TRAPPC9: variants seen among roughly 807,000 people sequenced by gnomAD.
The protein encoded by TRAPPC9 is trafficking protein particle complex subunit 9, also known as IKK2 binding protein.
Under a neutral mutation model 124.0 loss-of-function variants are expected in TRAPPC9, and 83 were observed. The ratio of observed to expected loss-of-function variants is 0.67; its 90% confidence interval spans 0.56 to 0.80. The LOEUF (loss-of-function observed/expected upper bound fraction) is 0.80, where lower values mean the gene tolerates loss of function less well. TRAPPC9 is among the 30% of genes least tolerant of loss of function. TRAPPC9 has a pLI of 0.00. For missense variants in TRAPPC9, 1,302 were observed against 1,508.3 expected (o/e 0.86, Z 2.27); for synonymous variants, 638 against 617.5 (o/e 1.03, Z -0.49).
Position 139,911,567 on chromosome 8 carries a change from T to C in TRAPPC9, c.2811-1267A>G, listed in dbSNP as rs183150700. ...CAAAAATACAAAAATAAGCCAGGTA[T>C]GGTGATACACACCTGTAGTCCCAGC... On this transcript the variant is annotated intron_variant, in intron 19 of 22. Coordinates refer to ENST00000438773, the MANE Select transcript of TRAPPC9 (RefSeq NM_001160372.4). 2.6e-3 allele frequency among the ~76,000 whole-genome samples: 392 copies of C among 152,168 alleles called. 2 individuals are homozygous for C. The highest frequency in any genetic ancestry group is 0.01 in the Middle Eastern group (3 of 294).
intron 5 of TRAPPC9, among the ~76,000 whole-genome samples, chr8:140,425,254 C>A (rs2070382277): frequency 6.6e-6 from 1 of 152,222 alleles, no homozygotes; most frequent in African/African-American, 2.4e-5. Context: ...GCCAGGACGG[C>A]ATCTCATTCT....
intron 19 of TRAPPC9, chr8:139,932,372 T>C: frequency 4.4e-6 from 2 of 457,904 alleles, no homozygotes; most frequent in South Asian, 1.5e-5. Context: ...TATGCCACAC[T>C]GGATCAGAAG....
intron 14 of TRAPPC9, among the ~76,000 whole-genome samples, chr8:140,281,805 T>C (rs1357371494): frequency 2.0e-5 from 3 of 152,234 alleles, no homozygotes; most frequent in Non-Finnish European, 4.4e-5. Flanking sequence ...TATACGTCAG[T>C]GTCTCCACCT....
intron 21 of TRAPPC9, among the ~76,000 whole-genome samples, chr8:139,758,256 G>T (rs1819986929): frequency 6.6e-6 from 1 of 152,188 alleles, no homozygotes; most frequent in Non-Finnish European, 1.5e-5. Flanking sequence ...TGTGGGGTGG[G>T]GACATGTGCC....
chr8:140,038,974 C>T (rs1462296400), intron 17 of TRAPPC9, among the ~76,000 whole-genome samples: 1 of 152,198 alleles, frequency 6.6e-6, no homozygotes, highest in Non-Finnish European at 1.5e-5. Context: ...CAGCACAGAG[C>T]TGGGGAAGGA....
intron 21 of TRAPPC9, among the ~76,000 whole-genome samples, chr8:139,734,337 T>C (rs1376306687): frequency 1.3e-5 from 2 of 152,258 alleles, no homozygotes; most frequent in Non-Finnish European, 1.5e-5. Flanking sequence ...AGTCAGTGCG[T>C]GGCTTATGAT....
chr8:139,946,596 G>C (rs1834234657), intron 19 of TRAPPC9, among the ~76,000 whole-genome samples: 1 of 151,550 alleles, frequency 6.6e-6, no homozygotes, highest in African/African-American at 2.4e-5. Context: ...TCAAAGGCCA[G>C]ATAATAAAGA....
rs533446141 is a variant in TRAPPC9 at position 140,122,023 on chromosome 8, T to TTCTCTC, written c.2557-97950_2557-97945dup. 1.2e-3 allele frequency among the ~76,000 whole-genome samples: 165 copies of TTCTCTC among 138,500 alleles called. 1 individual carries two copies. The highest frequency in any genetic ancestry group is 1.8e-3 in the African/African-American group (69 of 37,484). 90.9% of individuals were successfully genotyped at this position (138,500 alleles called of 152,430 possible). ...GGAGTCCATCTCTTTCTTTCTTTCT[T>TTCTCTC]TCTCTCTCTCTCTCTCTCTCTCTCT... On this transcript the variant is annotated intron_variant, in intron 17 of 22. Transcript: ENST00000438773.
chr8:139,949,744 G>A (rs1274431781), intron 19 of TRAPPC9, among the ~76,000 whole-genome samples: 2 of 152,108 alleles, frequency 1.3e-5, no homozygotes, highest in Non-Finnish European at 2.9e-5. Context: ...CTGGGGGTGG[G>A]GGAAGTGGAA....
chr8:140,456,688 A>C, intron 1 of TRAPPC9: 3 of 599,440 alleles, frequency 5.0e-6, no homozygotes, highest in Non-Finnish European at 6.3e-6. Flanking sequence ...GCTTTGTTTC[A>C]GGTTAACAAA....
intron 8 of TRAPPC9, among the ~76,000 whole-genome samples, 189 bp downstream of exon 8, chr8:140,370,775 C>CA (rs1490612328): frequency 3.9e-5 from 6 of 152,216 alleles, no homozygotes; most frequent in African/African-American, 1.4e-4. Context: ...ATCCGAGCCC[C>CA]AAGGCAAAGC....
chr8:139,830,663 A>C (rs1397383031), intron 21 of TRAPPC9, among the ~76,000 whole-genome samples: 2 of 152,012 alleles, frequency 1.3e-5, no homozygotes, highest in African/African-American at 4.8e-5. Flanking sequence ...ACACATACGA[A>C]TACACATGCA....
chr8:140,174,949 G>T (rs2062033114), intron 17 of TRAPPC9, among the ~76,000 whole-genome samples: 1 of 150,870 alleles, frequency 6.6e-6, no homozygotes, highest in Admixed American at 6.6e-5. Context: ...GGGCTCATAT[G>T]ATAACTATGT....
At chr8:139,894,722 G>GT (rs1480387672) in intron 20 of TRAPPC9, among the ~76,000 whole-genome samples, 1 of 152,200 alleles carries the variant, frequency 6.6e-6, no homozygotes, top group Non-Finnish European at 1.5e-5. Flanking sequence ...GAGTGGAAAC[G>GT]TGTGTGCCGT....
intron 21 of TRAPPC9, among the ~76,000 whole-genome samples, chr8:139,775,762 A>T (rs1305053291): frequency 6.6e-6 from 1 of 152,152 alleles, no homozygotes; most frequent in Non-Finnish European, 1.5e-5. Flanking sequence ...GGTGAAGCCC[A>T]AATTCTGGAG....
At chr8:139,898,574 C>T (rs1265501176) in intron 20 of TRAPPC9, among the ~76,000 whole-genome samples, 3 of 152,126 alleles carry the variant, frequency 2.0e-5, no homozygotes, top group Admixed American at 6.5e-5. Context: ...GAGGAAGCCA[C>T]GCTTCCTCGG....
intron 21 of TRAPPC9, among the ~76,000 whole-genome samples, chr8:139,744,647 G>A (rs1299240994): frequency 1.3e-5 from 2 of 152,174 alleles, no homozygotes; most frequent in African/African-American, 2.4e-5. Flanking sequence ...CTGGAGCTTC[G>A]CTCTCAATCC....
chr8:140,399,461 C>T (rs1588283855), intron 6 of TRAPPC9, among the ~76,000 whole-genome samples: 2 of 152,230 alleles, frequency 1.3e-5, no homozygotes, highest in Non-Finnish European at 2.9e-5. Context: ...CATGGGAACC[C>T]ACCTCTTGCA....
At chr8:140,344,218 C>T (rs1302096581) in intron 9 of TRAPPC9, among the ~76,000 whole-genome samples, 2 of 152,144 alleles carry the variant, frequency 1.3e-5, no homozygotes, top group Admixed American at 6.5e-5. Flanking sequence ...TCACAGGACA[C>T]AAATCTGCTG....
Sources: gnomAD v4.1 joint callset for allele counts (sites outside exome capture counted in the v4.1 genomes callset) on GRCh38, gnomAD v4.1.1 for gene constraint, MANE v1.5 for transcripts, NCBI Gene and HGNC (gene_info 2026-07-23, HGNC 2026-07-21) for gene names.